Variants in SOS1 observed in about 807,000 individuals in gnomAD.
The protein encoded by SOS1 is SOS Ras/Rac guanine nucleotide exchange factor 1, also known as son of sevenless homolog 1.
Under a neutral mutation model 157.6 loss-of-function variants are expected in SOS1, and 25 were observed. The observed-to-expected ratio is 0.16, with a 90% CI of 0.12 to 0.22. The LOEUF is 0.22. Ranked by LOEUF, SOS1 falls within the 10% of genes least tolerant of loss-of-function variation. The probability of loss-of-function intolerance (pLI) is 1.00; values close to 1 mark genes in which losing one functional copy is unlikely to be tolerated. For synonymous variants in SOS1, 528 were observed against 534.0 expected, an observed-to-expected ratio of 0.99 and a Z score of 0.16; for missense variants, 1,237 against 1,599.1, an observed-to-expected ratio of 0.77 and a Z score of 3.86.
At chr2:39,067,889 C>T (rs1671643389) in intron 1 of SOS1, 136 bp from the exon 2 acceptor site, 14 of 740,774 alleles carry the variant, frequency 1.9e-5, no homozygotes, top group Non-Finnish European at 2.9e-5. Context: ...GAGGCCAAGG[C>T]GGGCAGATCA....
At chr2:39,117,749 A>C (rs895362316) in intron 1 of SOS1, among the ~76,000 whole-genome samples, 3 of 152,236 alleles carry the variant, frequency 2.0e-5, no homozygotes, top group Non-Finnish European at 4.4e-5. Context: ...AGGAGACTCA[A>C]TTAGAGAAGT....
At chr2:39,042,514 C>T (rs961771821) in intron 6 of SOS1, among the ~76,000 whole-genome samples, 13 of 151,932 alleles carry the variant, frequency 8.6e-5, no homozygotes, top group Non-Finnish European at 1.5e-5. Flanking sequence ...AGTGATTCTC[C>T]TGCCTCAACC....
At chr2:39,030,244 G>GA (rs60498470) in intron 8 of SOS1, among the ~76,000 whole-genome samples, 109,002 of 125,530 alleles carry the variant, frequency 0.87, 47,195 homozygotes, top group Middle Eastern at 0.89. Flanking sequence ...AAAGAAAACA[G>GA]AAAAAAAAAA....
At chr2:39,022,525 T>G in intron 10 of SOS1, 45 bp downstream of exon 10, 1 of 1,490,708 alleles carries the variant, frequency 6.7e-7, no homozygotes, top group Non-Finnish European at 9.4e-7. Flanking sequence ...GAAAATCAGT[T>G]TGAAGCAGGA....
At chr2:39,085,432 C>G (rs568282229) in intron 1 of SOS1, among the ~76,000 whole-genome samples, 1 of 152,206 alleles carries the variant, frequency 6.6e-6, no homozygotes, top group Non-Finnish European at 1.5e-5. Flanking sequence ...TGATGTGTGT[C>G]TACTGTCTAT....
intron 20 of SOS1, among the ~76,000 whole-genome samples, chr2:38,991,225 A>G (rs79978302): frequency 3.0e-5 from 4 of 134,886 alleles, no homozygotes; most frequent in African/African-American, 1.1e-4. Flanking sequence ...TTTTCTATAG[A>G]AAAAAAAAAA....
chr2:39,035,284 A>C lies in SOS1; in HGVS notation c.1002T>G (p.Ala334=), dbSNP rs750071267. Residue 334 remains alanine, a synonymous_variant, in exon 8 of 23, where the codon GCT becomes GCG. Transcript: ENST00000402219. ...LQSIGEGFKE[A]VQYVLPRLLL... ...GCAGCCTGGGTAAAACATATTGAACAGCTTCTTTGAAACCTTCGCCTATTG... is the reference window on the plus strand; with the variant it reads ...GCAGCCTGGGTAAAACATATTGAACCGCTTCTTTGAAACCTTCGCCTATTG... The C allele has an allele frequency of 3.1e-6, 5 of 1,613,918 alleles. No individual in the cohort carries two copies. The highest frequency in any genetic ancestry group is 8.5e-7 in the Non-Finnish European group (1 of 1,179,834).
At chr2:39,049,110 G>A (rs1021630870) in intron 6 of SOS1, among the ~76,000 whole-genome samples, 1 of 152,042 alleles carries the variant, frequency 6.6e-6, no homozygotes, top group Non-Finnish European at 1.5e-5. Context: ...TGGAGATGGG[G>A]TTTCACCATA....
At chr2:39,080,052 G>T (rs1288246203) in intron 1 of SOS1, among the ~76,000 whole-genome samples, 2 of 151,854 alleles carry the variant, frequency 1.3e-5, no homozygotes, top group Admixed American at 1.3e-4. Flanking sequence ...TGATTCAAGT[G>T]CATTACATTT....
intron 6 of SOS1, among the ~76,000 whole-genome samples, chr2:39,036,727 C>G (rs975337970): frequency 6.6e-6 from 1 of 151,746 alleles, no homozygotes; most frequent in Non-Finnish European, 1.5e-5. Context: ...GCATCCGCCA[C>G]CACGCCCGGC....
intron 1 of SOS1, among the ~76,000 whole-genome samples, chr2:39,096,446 T>C (rs1193235279): frequency 6.6e-6 from 1 of 152,194 alleles, no homozygotes; most frequent in East Asian, 1.9e-4. Flanking sequence ...TTTTAAAAAT[T>C]ATTTATCAGG....
intron 17 of SOS1, among the ~76,000 whole-genome samples, chr2:39,001,076 T>G (rs1490426743): frequency 6.6e-6 from 1 of 152,216 alleles, no homozygotes; most frequent in African/African-American, 2.4e-5. Flanking sequence ...ATTCTATTTT[T>G]GAAACAGAGT....
chr2:39,022,864 T>G lies in SOS1; in HGVS notation c.1564A>C (p.Asn522His), dbSNP rs761094509. 4 of 1,613,032 alleles carry G rather than the reference T, an allele frequency of 2.5e-6. No homozygotes were observed. Among genetic ancestry groups the G allele is most frequent in the East Asian group, 2.2e-5 (1 of 44,854 alleles). Reference sequence around the variant, plus strand: ...GACTTGGCAGAAAATATAACACTATTTTCATCTTTTAAAATTATTTCAAAA... The same window carrying G: ...GACTTGGCAGAAAATATAACACTATGTTCATCTTTTAAAATTATTTCAAAA... Reference protein sequence around the residue: ...HAFEIILKDENSVIFSAKSAE... With the variant: ...HAFEIILKDEHSVIFSAKSAE... Residue 522 changes from asparagine to histidine, a missense_variant, in exon 10 of 23, where the codon AAT (asparagine) becomes CAT (histidine). Around this residue, in one of 15 missense-constraint regions of SOS1, gnomAD observed 210 missense variants for 220.2 expected, o/e 0.95. Coordinates refer to ENST00000402219, the MANE Select transcript of SOS1 (RefSeq NM_005633.4).
At chr2:39,096,473 C>T (rs1558511371) in intron 1 of SOS1, among the ~76,000 whole-genome samples, 1 of 152,146 alleles carries the variant, frequency 6.6e-6, no homozygotes, top group Non-Finnish European at 1.5e-5. Flanking sequence ...TCATGTATTA[C>T]TTTGGTGTAA....
intron 1 of SOS1, among the ~76,000 whole-genome samples, chr2:39,106,083 G>A (rs1345877945): frequency 6.6e-6 from 1 of 151,746 alleles, no homozygotes; most frequent in Non-Finnish European, 1.5e-5. Flanking sequence ...AGCCGCGCAT[G>A]GTGGTACGTG....
At chr2:39,091,579 T>G (rs1207984015) in intron 1 of SOS1, among the ~76,000 whole-genome samples, 1 of 146,322 alleles carries the variant, frequency 6.8e-6, no homozygotes, top group East Asian at 2.0e-4. Flanking sequence ...TATTGGCATA[T>G]AAAAGAACTC....
chr2:39,008,189 G>T (rs6713281), intron 15 of SOS1, among the ~76,000 whole-genome samples: 141,677 of 152,222 alleles, frequency 0.93, 66,051 homozygotes, highest in African/African-American at 0.97. Context: ...GAATGGAGAC[G>T]CTACCTTGGG....
upstream of SOS1, chr2:39,121,131 A>AAGAGAG (rs942415287): frequency 2.6e-5 from 4 of 153,434 alleles, no homozygotes; most frequent in African/African-American, 9.7e-5. Flanking sequence ...TCGAGAGAGA[A>AAGAGAG]AGAGAGAGAG....
At chr2:39,058,855 TCTTCA>T (rs779563697) in intron 2 of SOS1, 51 bp from the exon 3 acceptor site, 5 of 1,431,708 alleles carry the variant, frequency 3.5e-6, no homozygotes, top group Admixed American at 1.8e-5. Flanking sequence ...TAAATAGTGC[TCTTCA>T]CTTAAAATTT....
Sources: allele counts gnomAD v4.1 joint callset (sites outside exome capture counted in the v4.1 genomes callset), GRCh38; gene constraint gnomAD v4.1.1; regional missense constraint gnomAD v4.1.1; transcripts MANE v1.5; gene names NCBI Gene and HGNC (gene_info 2026-07-23, HGNC 2026-07-21).